HDAC9: variants seen among roughly 807,000 people sequenced by gnomAD.
HDAC9 encodes the protein histone deacetylase 9.
HDAC9 carries 41 observed loss-of-function variants against 139.4 expected under a neutral mutation model. That is an observed-to-expected ratio of 0.29 (90% CI 0.23 to 0.38). The LOEUF (loss-of-function observed/expected upper bound fraction) is 0.38, where lower values mean the gene tolerates loss of function less well. Ranked by LOEUF, HDAC9 falls within the 10% of genes least tolerant of loss-of-function variation. HDAC9 has a pLI of 1.00. For missense variants in HDAC9, 1,147 were observed against 1,297.0 expected (o/e 0.88, Z 1.78); for synonymous variants, 517 against 476.2 (o/e 1.09, Z -1.12).
intron 2 of HDAC9, among the ~76,000 whole-genome samples, chr7:18,170,732 A>G (rs1233609909): frequency 2.0e-5 from 3 of 152,000 alleles, no homozygotes; most frequent in African/African-American, 7.2e-5. Flanking sequence ...TTTTTGTCAG[A>G]TTTGTCAAAG....
At chr7:18,904,519 A>G (rs941804030) in intron 22 of HDAC9, among the ~76,000 whole-genome samples, 1 of 149,738 alleles carries the variant, frequency 6.7e-6, no homozygotes, top group African/African-American at 2.5e-5. Flanking sequence ...TGAGTTTCCT[A>G]CTTGCTAGAT....
chr7:18,958,853 C>A (rs987219521), intron 24 of HDAC9, among the ~76,000 whole-genome samples: 1 of 152,270 alleles, frequency 6.6e-6, no homozygotes, highest in South Asian at 2.1e-4. Flanking sequence ...TTCTTCACAA[C>A]CCACAAGGAT....
chr7:18,979,962 T>C (rs991443411), intron 25 of HDAC9, among the ~76,000 whole-genome samples: 31 of 152,204 alleles, frequency 2.0e-4, no homozygotes, highest in African/African-American at 7.2e-4. Context: ...CAGGAACATT[T>C]ATCCAAACTA....
intron 12 of HDAC9, among the ~76,000 whole-genome samples, chr7:18,702,872 T>A (rs1783615194): frequency 6.6e-6 from 1 of 152,244 alleles, no homozygotes; most frequent in Non-Finnish European, 1.5e-5. Flanking sequence ...TTGTAAGGTA[T>A]GCATTTTCTG....
intron 15 of HDAC9, among the ~76,000 whole-genome samples, chr7:18,765,569 C>T (rs1282315911): frequency 6.6e-6 from 1 of 152,100 alleles, no homozygotes; most frequent in Non-Finnish European, 1.5e-5. Flanking sequence ...TGCACCACTG[C>T]ACTCTAGCCT....
chr7:18,486,308 T>G (rs1355407053), intron 1 of HDAC9, among the ~76,000 whole-genome samples: 1 of 152,128 alleles, frequency 6.6e-6, no homozygotes, highest in Non-Finnish European at 1.5e-5. Flanking sequence ...GAATCAAATT[T>G]AAATTAATAT....
intron 2 of HDAC9, among the ~76,000 whole-genome samples, chr7:18,226,751 A>G (rs1793082907): frequency 6.6e-6 from 1 of 152,244 alleles, no homozygotes; most frequent in Non-Finnish European, 1.5e-5. Flanking sequence ...ATTTACAGCA[A>G]TTCAGCATGG....
intron 12 of HDAC9, among the ~76,000 whole-genome samples, chr7:18,708,612 A>G (rs952312698): frequency 1.3e-5 from 2 of 152,192 alleles, no homozygotes; most frequent in African/African-American, 4.8e-5. Context: ...GGCTGAAGGG[A>G]ATGGAAGCCA....
intron 11 of HDAC9, among the ~76,000 whole-genome samples, chr7:18,658,031 C>T (rs369266300): frequency 1.5e-4 from 23 of 152,098 alleles, no homozygotes; most frequent in African/African-American, 5.1e-4. Context: ...TCAACCTCCA[C>T]GTCTTCTCAC....
intron 1 of HDAC9, among the ~76,000 whole-genome samples, chr7:18,309,668 C>T (rs992068701): frequency 1.2e-4 from 18 of 152,002 alleles, no homozygotes; most frequent in Admixed American, 5.9e-4. Flanking sequence ...ATAAGCAAAC[C>T]GAACCTAAAG....
intron 1 of HDAC9, among the ~76,000 whole-genome samples, chr7:18,455,144 T>C (rs1793227646): frequency 6.6e-6 from 1 of 152,144 alleles, no homozygotes; most frequent in South Asian, 2.1e-4. Context: ...GAAATAAGTG[T>C]AGTAAAAAAG....
chr7:18,445,285 T>C (rs915818758), intron 1 of HDAC9, among the ~76,000 whole-genome samples: 2 of 152,166 alleles, frequency 1.3e-5, no homozygotes, highest in Non-Finnish European at 2.9e-5. Flanking sequence ...GTAAAATAAA[T>C]CTAATTACAT....
At chr7:18,357,856 C>G (rs1233066819) in intron 1 of HDAC9, among the ~76,000 whole-genome samples, 1 of 152,134 alleles carries the variant, frequency 6.6e-6, no homozygotes, top group Non-Finnish European at 1.5e-5. Context: ...GGGGAGGTAA[C>G]TGGCCAGGAC....
chr7:18,415,600 A>C (rs1788976412), intron 1 of HDAC9, among the ~76,000 whole-genome samples: 1 of 152,240 alleles, frequency 6.6e-6, no homozygotes, highest in Non-Finnish European at 1.5e-5. Flanking sequence ...TATTCTGCTC[A>C]AAGAATGATG....
At chr7:18,519,842 C>G (rs1468681784) in intron 2 of HDAC9, among the ~76,000 whole-genome samples, 1 of 152,010 alleles carries the variant, frequency 6.6e-6, no homozygotes, top group African/African-American at 2.4e-5. Flanking sequence ...TGAGGGCAAT[C>G]TAACTATAAG....
intron 1 of HDAC9, among the ~76,000 whole-genome samples, chr7:18,102,995 G>A (rs1257623392): frequency 6.6e-6 from 1 of 152,162 alleles, no homozygotes; most frequent in South Asian, 2.1e-4. Flanking sequence ...AGACATACCC[G>A]AGACTGGGTA....
chr7:18,716,997 T>A lies in HDAC9; in HGVS notation c.1732-10583T>A, dbSNP rs892592550. Among the ~76,000 whole-genome samples, 513 of 151,286 alleles carry A rather than the reference T, an allele frequency of 3.4e-3. 1 individual carries two copies. The highest frequency in any genetic ancestry group is 0.012 in the African/African-American group (494 of 41,138). ...TTTTACCTCTCGTTAGCACTTTTTT[T>A]TTTTTTTTTTTTTTTGGTATTTTGT... is the stretch of plus-strand genomic sequence containing the variant. On this transcript the variant is annotated intron_variant, in intron 12 of 25. Transcript: ENST00000686413.
chr7:18,630,866 A>G (rs1782119750), intron 7 of HDAC9, among the ~76,000 whole-genome samples: 1 of 152,148 alleles, frequency 6.6e-6, no homozygotes, highest in African/African-American at 2.4e-5. Context: ...GTGAAGAATT[A>G]TAAACCTATC....
intron 6 of HDAC9, among the ~76,000 whole-genome samples, chr7:18,622,557 C>G (rs1056101501): frequency 1.3e-5 from 2 of 152,012 alleles, no homozygotes; most frequent in African/African-American, 4.8e-5. Context: ...TTCCTGACTT[C>G]ATGATCTGCC....
Sources: gnomAD v4.1 joint callset for allele counts (sites outside exome capture counted in the v4.1 genomes callset) on GRCh38, gnomAD v4.1.1 for gene constraint, MANE v1.5 for transcripts, NCBI Gene and HGNC (gene_info 2026-07-23, HGNC 2026-07-21) for gene names.